Variants in CRACR2A observed in about 807,000 individuals in gnomAD.
CRACR2A encodes calcium release activated channel regulator 2A, also known as EF-hand calcium-binding domain-containing protein 4B.
In CRACR2A, 79 loss-of-function variants were observed where a neutral mutation model predicts 90.5. That is an observed-to-expected ratio of 0.87 (90% CI 0.73 to 1.05). CRACR2A has a LOEUF of 1.05. Ranked by LOEUF, CRACR2A falls within the 50% of genes least tolerant of loss-of-function variation. The pLI is 0.00. For missense variants in CRACR2A, 823 were observed against 897.2 expected (o/e 0.92, Z 1.06); for synonymous variants, 338 against 356.7 (o/e 0.95, Z 0.59).
chr12:3,743,395 G>A (rs1013037683), intron 1 of CRACR2A, among the ~76,000 whole-genome samples: 12 of 152,200 alleles, frequency 7.9e-5, no homozygotes, highest in Non-Finnish European at 1.3e-4. Flanking sequence ...TGTGCCTGGG[G>A]CAGCTCACCT....
At chr12:3,680,127 G>T in intron 5 of CRACR2A, 111 bp downstream of exon 5, 1 of 802,146 alleles carries the variant, frequency 1.2e-6, no homozygotes, top group Non-Finnish European at 2.0e-6. Flanking sequence ...TGAAAGGAGG[G>T]CAGGAAAGCT....
chr12:3,676,643 C>A (rs975492005), intron 6 of CRACR2A, among the ~76,000 whole-genome samples: 1 of 152,164 alleles, frequency 6.6e-6, no homozygotes, highest in Non-Finnish European at 1.5e-5. Context: ...GGAATGTGAC[C>A]TCATCAGAGA....
intron 3 of CRACR2A, among the ~76,000 whole-genome samples, chr12:3,703,144 A>G (rs1945859748): frequency 6.6e-6 from 1 of 152,228 alleles, no homozygotes. Flanking sequence ...GCTGGAGTGC[A>G]GTGGCGCGAT....
chr12:3,727,548 A>C (rs1946291604), intron 2 of CRACR2A: 1 of 152,136 alleles, frequency 6.6e-6, no homozygotes, highest in Admixed American at 6.5e-5. Flanking sequence ...AGTTCAGTGT[A>C]TATTTGGAAA....
intron 14 of CRACR2A, among the ~76,000 whole-genome samples, chr12:3,637,098 A>G (rs1185095453): frequency 1.3e-5 from 2 of 152,198 alleles, no homozygotes; most frequent in South Asian, 2.1e-4. Context: ...CGCTTTTCAT[A>G]TGGTCTCCCT....
At chr12:3,683,087 A>C (rs1172921092) in intron 4 of CRACR2A, among the ~76,000 whole-genome samples, 3 of 152,176 alleles carry the variant, frequency 2.0e-5, no homozygotes, top group African/African-American at 7.2e-5. Flanking sequence ...GACCTGGCCT[A>C]CATTTTTAAC....
intron 2 of CRACR2A, among the ~76,000 whole-genome samples, chr12:3,724,026 G>C (rs1356284040): frequency 2.0e-5 from 3 of 152,126 alleles, no homozygotes; most frequent in African/African-American, 7.2e-5. Flanking sequence ...CAAAGACTAA[G>C]AATAATCATG....
chr12:3,620,572 A>T (rs1944111604), intron 17 of CRACR2A, among the ~76,000 whole-genome samples: 2 of 152,248 alleles, frequency 1.3e-5, no homozygotes, highest in African/African-American at 4.8e-5. Context: ...TTATTTAACA[A>T]ATGAGAAAGT....
At chr12:3,690,590 A>G (rs1356214376) in intron 4 of CRACR2A, among the ~76,000 whole-genome samples, 2 of 152,144 alleles carry the variant, frequency 1.3e-5, no homozygotes, top group African/African-American at 2.4e-5. Flanking sequence ...TATGTGGCCA[A>G]ATTAAGAGTA....
At chr12:3,690,077 T>A (rs954116994) in intron 4 of CRACR2A, among the ~76,000 whole-genome samples, 1 of 152,082 alleles carries the variant, frequency 6.6e-6, no homozygotes, top group Non-Finnish European at 1.5e-5. Flanking sequence ...TCTATCTATT[T>A]TATTAACTTT....
At chr12:3,657,683 C>G (rs1211368701) in intron 8 of CRACR2A, among the ~76,000 whole-genome samples, 2 of 152,174 alleles carry the variant, frequency 1.3e-5, no homozygotes, top group Non-Finnish European at 2.9e-5. Context: ...AGAATCAGCC[C>G]CAGGGAATTT....
intron 7 of CRACR2A, among the ~76,000 whole-genome samples, chr12:3,666,526 G>C (rs1945154385): frequency 6.6e-6 from 1 of 152,220 alleles, no homozygotes; most frequent in South Asian, 2.1e-4. Context: ...GAGGCCTTTA[G>C]AGATAATTTG....
At chr12:3,615,906 C>T (rs533672356) in intron 19 of CRACR2A, among the ~76,000 whole-genome samples, 4 of 152,358 alleles carry the variant, frequency 2.6e-5, no homozygotes, top group Non-Finnish European at 2.9e-5. Flanking sequence ...TGGGTCGTAA[C>T]CTCTGCAGTA....
At chr12:3,701,700 C>A (rs1032373837) in intron 3 of CRACR2A, among the ~76,000 whole-genome samples, 1 of 152,092 alleles carries the variant, frequency 6.6e-6, no homozygotes, top group African/African-American at 2.4e-5. Context: ...CACAAGAAAA[C>A]TTCAGGTCCG....
chr12:3,712,146 T>C (rs905762045), intron 3 of CRACR2A, among the ~76,000 whole-genome samples: 1 of 152,080 alleles, frequency 6.6e-6, no homozygotes, highest in Non-Finnish European at 1.5e-5. Flanking sequence ...AGAACCATAG[T>C]ATCATAGAAA....
At chr12:3,659,530 G>A (rs373098284) in intron 8 of CRACR2A, 34 bp downstream of exon 8, 2 of 1,593,118 alleles carry the variant, frequency 1.3e-6, no homozygotes, top group Non-Finnish European at 8.6e-7. Context: ...TGTCAAGCTG[G>A]CCTCAGAGCC....
intron 2 of CRACR2A, among the ~76,000 whole-genome samples, chr12:3,715,110 T>C (rs1946063457): frequency 6.6e-6 from 1 of 152,234 alleles, no homozygotes; most frequent in Admixed American, 6.5e-5. Flanking sequence ...ATCTAGTCTT[T>C]ACAGACCCCC....
chr12:3,745,806 A>AAAATG (rs1946609891), intron 1 of CRACR2A, among the ~76,000 whole-genome samples: 1 of 4,620 alleles, frequency 2.2e-4, no homozygotes, highest in Non-Finnish European at 5.2e-4. Flanking sequence ...AAAATAAAAT[A>AAAATG]AAATAAAATA....
Position 3,680,285 on chromosome 12 carries a change from G to T in CRACR2A, c.293C>A (p.Ala98Asp). 6.2e-7 allele frequency: 1 copy of T among 1,614,180 alleles called. No homozygotes were observed. Among genetic ancestry groups the T allele is most frequent in the African/African-American group, 1.3e-5 (1 of 75,064 alleles). ...TGGGGTCAGATAGCCATTGCCATCA[G>T]CATCCAGGGCATCAAACACATCCTC... The part of the protein sequence containing the change: ...ELEDVFDALD[A>D]DGNGYLTPQE... Residue 98 changes from alanine to aspartate, a missense_variant, in exon 5 of 20, where the codon GCT becomes GAT. Coordinates refer to ENST00000440314, the MANE Select transcript of CRACR2A (RefSeq NM_001144958.2).
Sources: allele counts gnomAD v4.1 joint callset (sites outside exome capture counted in the v4.1 genomes callset), GRCh38; gene constraint gnomAD v4.1.1; transcripts MANE v1.5; gene names NCBI Gene and HGNC (gene_info 2026-07-23, HGNC 2026-07-21).